EFL1: variants seen among roughly 807,000 people sequenced by gnomAD.
EFL1 encodes elongation factor-like GTPase 1.
EFL1 carries 76 observed loss-of-function variants against 126.7 expected under a neutral mutation model. The ratio of observed to expected loss-of-function variants is 0.60; its 90% CI spans 0.50 to 0.73. The LOEUF (loss-of-function observed/expected upper bound fraction) is 0.73. Ranked by LOEUF, EFL1 falls within the 30% of genes least tolerant of loss-of-function variation. EFL1 has a pLI of 0.00. For missense variants in EFL1, 1,128 were observed against 1,343.2 expected, an observed-to-expected ratio of 0.84 and a Z score of 2.50; for synonymous variants, 410 against 448.4, an observed-to-expected ratio of 0.91 and a Z score of 1.08.
chr15:82,222,295 G>A (rs1465806012), intron 12 of EFL1, among the ~76,000 whole-genome samples: 1 of 152,144 alleles, frequency 6.6e-6, no homozygotes, highest in Non-Finnish European at 1.5e-5. Context: ...TCGACCCAAA[G>A]TCACACAGAT....
intron 5 of EFL1, 125 bp from the exon 6 acceptor site, chr15:82,240,680 C>T (rs1357667736): frequency 3.2e-5 from 35 of 1,090,476 alleles, no homozygotes; most frequent in Non-Finnish European, 4.5e-5. Flanking sequence ...TAGGCATTCA[C>T]AAACTATGTA....
intron 4 of EFL1, among the ~76,000 whole-genome samples, chr15:82,251,513 C>T (rs1015026919): frequency 2.6e-5 from 4 of 152,124 alleles, no homozygotes; most frequent in African/African-American, 9.7e-5. Flanking sequence ...GACTAATAAT[C>T]TGAGTAAGGA....
chr15:82,245,240 T>C (rs1313707338), intron 4 of EFL1, among the ~76,000 whole-genome samples: 1 of 151,958 alleles, frequency 6.6e-6, no homozygotes, highest in African/African-American at 2.4e-5. Flanking sequence ...CAGCCTCAAA[T>C]TCCTGGGCTC....
chr15:82,136,411 T>C (rs1350308883), intron 19 of EFL1, among the ~76,000 whole-genome samples: 1 of 152,210 alleles, frequency 6.6e-6, no homozygotes, highest in Non-Finnish European at 1.5e-5. Flanking sequence ...GCATGACTTG[T>C]GAATTCTGAA....
intron 19 of EFL1, among the ~76,000 whole-genome samples, chr15:82,133,347 A>C (rs1436892246): frequency 6.6e-6 from 1 of 152,182 alleles, no homozygotes; most frequent in Admixed American, 6.5e-5. Flanking sequence ...AAGACTGAAG[A>C]AGATATTATA....
intron 4 of EFL1, among the ~76,000 whole-genome samples, chr15:82,245,714 G>C (rs2074966297): frequency 6.6e-6 from 1 of 151,874 alleles, no homozygotes; most frequent in Non-Finnish European, 1.5e-5. Flanking sequence ...GCCAAAACAG[G>C]AAGATCACTT....
intron 18 of EFL1, among the ~76,000 whole-genome samples, chr15:82,149,530 T>G (rs1334415692): frequency 6.6e-6 from 1 of 152,222 alleles, no homozygotes; most frequent in African/African-American, 2.4e-5. Context: ...AGACATGTTC[T>G]CTACTGGTTG....
At chr15:82,230,700 G>A in intron 8 of EFL1, 148 bp downstream of exon 8, 1 of 875,064 alleles carries the variant, frequency 1.1e-6, no homozygotes, top group Non-Finnish European at 1.6e-6. Context: ...GGACTTGTAA[G>A]CCTTTCCCAA....
intron 4 of EFL1, among the ~76,000 whole-genome samples, chr15:82,252,225 A>C (rs1170045430): frequency 6.6e-6 from 1 of 152,200 alleles, no homozygotes; most frequent in Non-Finnish European, 1.5e-5. Context: ...AATATCAGTG[A>C]CATGTATCTC....
At chr15:82,168,853 A>G (rs1457221021) in intron 15 of EFL1, among the ~76,000 whole-genome samples, 1 of 152,236 alleles carries the variant, frequency 6.6e-6, no homozygotes, top group African/African-American at 2.4e-5. Context: ...TCAGAAGAGA[A>G]ACTACCCAGT....
chr15:82,166,017 G>C (rs1042249551), intron 15 of EFL1, among the ~76,000 whole-genome samples: 1 of 152,138 alleles, frequency 6.6e-6, no homozygotes, highest in Non-Finnish European at 1.5e-5. Flanking sequence ...GTACTATGAT[G>C]TAACAGATCT....
chr15:82,217,502 C>T (rs1310776934), intron 14 of EFL1, among the ~76,000 whole-genome samples: 1 of 149,036 alleles, frequency 6.7e-6, no homozygotes, highest in Non-Finnish European at 1.5e-5. Context: ...CGGGAATAGG[C>T]ATTAACATAG....
intron 12 of EFL1, among the ~76,000 whole-genome samples, chr15:82,222,378 A>C (rs2074720917): frequency 1.3e-5 from 2 of 152,348 alleles, no homozygotes; most frequent in Non-Finnish European, 2.9e-5. Flanking sequence ...TCACCAGGTT[A>C]TGTCTTTCCT....
chr15:82,248,994 T>C (rs1192878860), intron 4 of EFL1, among the ~76,000 whole-genome samples: 3 of 152,088 alleles, frequency 2.0e-5, no homozygotes, highest in Non-Finnish European at 4.4e-5. Context: ...GAAATAAAGT[T>C]AGATAGTTAC....
At chr15:82,178,646 C>CTA (rs1442676399) in intron 15 of EFL1, among the ~76,000 whole-genome samples, 4 of 152,208 alleles carry the variant, frequency 2.6e-5, no homozygotes, top group Non-Finnish European at 5.9e-5. Context: ...CCTCTTGAGA[C>CTA]TAAGGCTTGA....
chr15:82,188,905 G>A (rs181775730), intron 15 of EFL1, among the ~76,000 whole-genome samples: 19 of 145,558 alleles, frequency 1.3e-4, no homozygotes, highest in Non-Finnish European at 2.2e-4. Flanking sequence ...CAATGTTAGA[G>A]AATGTGTTTA....
intron 15 of EFL1, among the ~76,000 whole-genome samples, chr15:82,196,682 T>C (rs1219981041): frequency 1.3e-5 from 2 of 152,214 alleles, no homozygotes; most frequent in Non-Finnish European, 2.9e-5. Context: ...TGGCATGCAG[T>C]TGGTACTAAA....
chr15:82,256,725 A>G (rs752446029), intron 3 of EFL1, among the ~76,000 whole-genome samples: 8 of 152,210 alleles, frequency 5.3e-5, no homozygotes, highest in African/African-American at 1.4e-4. Flanking sequence ...ACATGTCTTT[A>G]TATCTGTTGA....
At chr15:82,137,779 C>G (rs74380152) in intron 19 of EFL1, among the ~76,000 whole-genome samples, 223 of 152,268 alleles carry the variant, frequency 1.5e-3, no homozygotes, top group Admixed American at 2.3e-3. Flanking sequence ...GATTCCTGAC[C>G]TTAGGCTTTT....
Sources: allele counts gnomAD v4.1 joint callset (sites outside exome capture counted in the v4.1 genomes callset), GRCh38; gene constraint gnomAD v4.1.1; transcripts MANE v1.5; gene names NCBI Gene and HGNC (gene_info 2026-07-23, HGNC 2026-07-21).